The following KIRREL3 variants were observed in gnomAD, a reference collection of about 807,000 sequenced individuals.
The protein encoded by KIRREL3 is kirre like nephrin family adhesion molecule 3, also known as kin of IRRE-like protein 3.
A neutral mutation model predicts 89.7 loss-of-function variants in KIRREL3; 36 were observed. The ratio of observed to expected loss-of-function variants is 0.40; its 90% CI spans 0.31 to 0.53. The LOEUF is 0.53. Ranked by LOEUF, KIRREL3 falls within the 20% of genes least tolerant of loss-of-function variation. KIRREL3 has a pLI of 0.49. For missense variants in KIRREL3, 864 were observed against 1,056.6 expected (o/e 0.82, Z 2.53); for synonymous variants, 445 against 441.4 (o/e 1.01, Z -0.10).
rs548003600 is a variant in KIRREL3, at chr11:126,645,974, G to A, written c.56-83062C>T. On this transcript the variant is annotated intron_variant, in intron 1 of 16. Transcript: ENST00000525144. The surrounding 1 kb of genome is among the most constrained non-coding windows in gnomAD (Gnocchi z 4.9). Reference sequence around the variant, plus strand: ...ATACTCAAATACATAGGCGGCACTCGGAATGATGTACGAGTACTCTTGTCC... The same window carrying A: ...ATACTCAAATACATAGGCGGCACTCAGAATGATGTACGAGTACTCTTGTCC... Among the ~76,000 whole-genome samples the A allele has an allele frequency of 2.6e-4, 40 of 152,242 alleles. No homozygotes were observed. Among genetic ancestry groups the A allele is most frequent in the Middle Eastern group, 6.8e-3 (2 of 294 alleles).
rs1028922467 is a variant in KIRREL3, at chr11:126,685,258, G to T, written c.56-122346C>A. Among the ~76,000 whole-genome samples, 88 of 152,264 alleles carry T rather than the reference G, an allele frequency of 5.8e-4. No individual in the cohort carries two copies. Among genetic ancestry groups the T allele is most frequent in the African/African-American group, 2.1e-3 (86 of 41,546 alleles). On this transcript the variant is annotated intron_variant, in intron 1 of 16. Coordinates refer to ENST00000525144, the MANE Select transcript of KIRREL3 (RefSeq NM_032531.4). The surrounding 1 kb of genome is among the most constrained non-coding windows in gnomAD (Gnocchi z 5.5). ...AGGGGCAGGGCGGCAGATGCTTGGGGTCACATGAACACACAATTGAGCAAC... is the reference window on the plus strand; with the variant it reads ...AGGGGCAGGGCGGCAGATGCTTGGGTTCACATGAACACACAATTGAGCAAC...
chr11:126,514,038 G>C (rs946232255), intron 4 of KIRREL3, among the ~76,000 whole-genome samples: 3 of 152,154 alleles, frequency 2.0e-5, no homozygotes, highest in Admixed American at 6.5e-5. Context: ...GGGAGAAAGA[G>C]GAGGGGAATC....
rs1942863600 is a variant in KIRREL3 at position 126,605,761 on chromosome 11, G to A, written c.56-42849C>T. Among the ~76,000 whole-genome samples, 1 of 152,262 alleles carries A rather than the reference G, an allele frequency of 6.6e-6. No homozygotes were observed. Among genetic ancestry groups the A allele is most frequent in the Admixed American group, 6.5e-5 (1 of 15,286 alleles). On this transcript the variant is annotated intron_variant, in intron 1 of 16. Transcript: ENST00000525144. This position sits in a 1 kb window ranked among gnomAD's most constrained non-coding sequence, Gnocchi z 5.7. Reference sequence around the variant, plus strand: ...ATGCTGGGAGTGGGAATGGGGTGGGGAAAGCATGGGGCATATGGGTAGAGA... The same window carrying A: ...ATGCTGGGAGTGGGAATGGGGTGGGAAAAGCATGGGGCATATGGGTAGAGA...
intron 1 of KIRREL3, among the ~76,000 whole-genome samples, chr11:126,960,137 A>G (rs1345928035): frequency 6.6e-6 from 1 of 151,486 alleles, no homozygotes; most frequent in Non-Finnish European, 1.5e-5. Flanking sequence ...GGCAGAGCAT[A>G]TGATAAGAAC....
intron 1 of KIRREL3, among the ~76,000 whole-genome samples, chr11:126,654,427 G>T (rs921183537): frequency 1.3e-5 from 2 of 151,592 alleles, no homozygotes; most frequent in African/African-American, 2.4e-5. Context: ...CTACCTCCAG[G>T]CATCTGCCTC....
rs1030615480 is a variant in KIRREL3, at chr11:126,724,350, G to C, written c.56-161438C>G. Among the ~76,000 whole-genome samples, 9 of 152,220 alleles carry C rather than the reference G, an allele frequency of 5.9e-5. No individual in the cohort carries two copies. The highest frequency in any genetic ancestry group is 1.3e-4 in the Non-Finnish European group (9 of 68,038). On this transcript the variant is annotated intron_variant, in intron 1 of 16. Transcript: ENST00000525144. The surrounding 1 kb of genome is among the most constrained non-coding windows in gnomAD (Gnocchi z 4.3). ...ACAGGCCCCAACTAGTACACACGCAGATCCATGCACACCCACACACATGCA... is the reference window on the plus strand; with the variant it reads ...ACAGGCCCCAACTAGTACACACGCACATCCATGCACACCCACACACATGCA...
intron 1 of KIRREL3, among the ~76,000 whole-genome samples, chr11:126,866,524 G>C (rs1944925089): frequency 6.6e-6 from 1 of 152,128 alleles, no homozygotes; most frequent in Non-Finnish European, 1.5e-5. Context: ...AGAAGGATGG[G>C]GTCCCTGGGG....
intron 1 of KIRREL3, among the ~76,000 whole-genome samples, chr11:126,631,243 CTCTAGTGTTCACTG>C (rs1292938475): frequency 5.3e-5 from 8 of 152,152 alleles, no homozygotes; most frequent in African/African-American, 1.9e-4. Flanking sequence ...TCTAGCAGAT[CTCTAGTGTTCACTG>C]TTACTGCCAT....
rs115571688 is a variant in KIRREL3, at chr11:126,542,471, T to C, written c.134-15784A>G. 6.1e-3 allele frequency among the ~76,000 whole-genome samples: 929 copies of C among 152,362 alleles called. 6 individuals carry two copies. Among genetic ancestry groups the C allele is most frequent in the African/African-American group, 0.022 (899 of 41,588 alleles). ...TTCGACTTTGGAATGCATTTTGATA[T>C]TCACATTTGAATATGGATATGTTTG... On this transcript the variant is annotated intron_variant, in intron 2 of 16. Coordinates refer to ENST00000525144, the MANE Select transcript of KIRREL3 (RefSeq NM_032531.4).
intron 1 of KIRREL3, among the ~76,000 whole-genome samples, chr11:126,851,730 T>A (rs965478593): frequency 1.3e-5 from 2 of 152,158 alleles, no homozygotes; most frequent in Non-Finnish European, 2.9e-5. Flanking sequence ...AGGCTTCCAG[T>A]GAAAGCGATT....
At position 126,791,506 on chromosome 11, in the gene KIRREL3, T is replaced by A. The variant is rs1335069334; in HGVS notation, c.55+208949A>T. On this transcript the variant is annotated intron_variant, in intron 1 of 16. Coordinates refer to ENST00000525144, the MANE Select transcript of KIRREL3 (RefSeq NM_032531.4). This position sits in a 1 kb window ranked among gnomAD's most constrained non-coding sequence, Gnocchi z 4.8. ...CATATTGTGCAGATCCATCTCCTTT[T>A]CTTGCCCTTCTTTCCAAAGAAATGA... is the stretch of plus-strand genomic sequence containing the variant. 1.3e-5 allele frequency among the ~76,000 whole-genome samples: 2 copies of A among 152,238 alleles called. No individual in the cohort carries two copies. Among genetic ancestry groups the A allele is most frequent in the Non-Finnish European group, 2.9e-5 (2 of 68,046 alleles).
At chr11:126,758,273 T>C (rs528789015) in intron 1 of KIRREL3, among the ~76,000 whole-genome samples, 2 of 152,392 alleles carry the variant, frequency 1.3e-5, no homozygotes, top group South Asian at 4.1e-4. Flanking sequence ...TGCAGCTTTT[T>C]AGAAATTTTT....
intron 1 of KIRREL3, among the ~76,000 whole-genome samples, chr11:126,673,530 G>A (rs1051746059): frequency 6.6e-6 from 1 of 152,158 alleles, no homozygotes; most frequent in Non-Finnish European, 1.5e-5. Flanking sequence ...TAAAGGCAAG[G>A]AATTCATAAT....
chr11:126,473,054 T>TGCCAACCAG (rs1591597878), intron 5 of KIRREL3, among the ~76,000 whole-genome samples: 2 of 8,924 alleles, frequency 2.2e-4, no homozygotes, highest in Admixed American at 1.7e-3. Flanking sequence ...CCCCAGCCCC[T>TGCCAACCAG]CTCCCCAGCC....
chr11:126,436,882 T>C lies in KIRREL3; in HGVS notation c.1481A>G (p.Gln494Arg). Residue 494 changes from glutamine (Q) to arginine (R), a missense_variant, in exon 12 of 17, where the codon CAG (glutamine) becomes CGG (arginine). Transcript: ENST00000525144. ...TISNIVRADF[Q>R]TIYNCTAWNS... Reference sequence around the variant, plus strand: ...CCAGGCCGTGCAGTTGTAGATGGTCTGGAAGTCGGCCCGCACGATGTTGCT... The same window carrying C: ...CCAGGCCGTGCAGTTGTAGATGGTCCGGAAGTCGGCCCGCACGATGTTGCT... 1.2e-6 allele frequency: 2 copies of C among 1,613,722 alleles called. No homozygotes were observed. Among genetic ancestry groups the C allele is most frequent in the Non-Finnish European group, 8.5e-7 (1 of 1,179,858 alleles).
rs1160976696 is a variant in KIRREL3 at position 126,683,852 on chromosome 11, C to G, written c.56-120940G>C. ...AAGCCGTCTTGAAACCCTCGCCAGG[C>G]CCCAGACGCGCGTGGGTCCACCTAC... On this transcript the variant is annotated intron_variant, in intron 1 of 16. Coordinates refer to ENST00000525144, the MANE Select transcript of KIRREL3 (RefSeq NM_032531.4). This position sits in a 1 kb window ranked among gnomAD's most constrained non-coding sequence, Gnocchi z 5.2. 2.6e-5 allele frequency among the ~76,000 whole-genome samples: 4 copies of G among 152,242 alleles called. No individual in the cohort carries two copies. Among genetic ancestry groups the G allele is most frequent in the Non-Finnish European group, 5.9e-5 (4 of 68,040 alleles).
chr11:126,702,568 C>T (rs1003597705), intron 1 of KIRREL3, among the ~76,000 whole-genome samples: 13 of 152,194 alleles, frequency 8.5e-5, no homozygotes, highest in Non-Finnish European at 1.9e-4. Flanking sequence ...AGCCCTAAGG[C>T]CTCAGCAGAC....
rs1951078312 is a variant in KIRREL3, at chr11:126,802,669, A to G, written c.55+197786T>C. Among the ~76,000 whole-genome samples, 1 of 152,348 alleles carries G rather than the reference A, an allele frequency of 6.6e-6. No individual in the cohort carries two copies. The highest frequency in any genetic ancestry group is 6.5e-5 in the Admixed American group (1 of 15,306). On this transcript the variant is annotated intron_variant, in intron 1 of 16. Transcript: ENST00000525144. The surrounding 1 kb of genome is among the most constrained non-coding windows in gnomAD (Gnocchi z 5.2). ...GCCTGGCACCCTGAGCTGCTGGGAC[A>G]GGCTCTGGGCACTGCAACCCTGAAT...
In KIRREL3 at chr11:126,780,977, G is replaced by A. The variant is rs1230672449; in HGVS notation, c.56-218065C>T. Among the ~76,000 whole-genome samples, 2 of 152,122 alleles carry A rather than the reference G, an allele frequency of 1.3e-5. No individual in the cohort carries two copies. Among genetic ancestry groups the A allele is most frequent in the Non-Finnish European group, 1.5e-5 (1 of 68,034 alleles). ...AATAAAAGTTTGTATTTTCTCCCTG[G>A]ATACAGCTAGCAGCTGCAAGAGCTC... On this transcript the variant is annotated intron_variant, in intron 1 of 16. Coordinates refer to ENST00000525144, the MANE Select transcript of KIRREL3 (RefSeq NM_032531.4). This position sits in a 1 kb window ranked among gnomAD's most constrained non-coding sequence, Gnocchi z 5.3.
Sources: allele counts gnomAD v4.1 joint callset (sites outside exome capture counted in the v4.1 genomes callset), GRCh38; gene constraint gnomAD v4.1.1; non-coding constraint Gnocchi (gnomAD v3.1); transcripts MANE v1.5; gene names NCBI Gene and HGNC (gene_info 2026-07-23, HGNC 2026-07-21).